IRF2: variants seen among roughly 807,000 people sequenced by gnomAD.
IRF2 encodes the protein interferon regulatory factor 2.
Under a neutral mutation model 40.6 loss-of-function variants are expected in IRF2, and 15 were observed. The observed-to-expected ratio is 0.37, with a 90% confidence interval of 0.25 to 0.57. IRF2 has a LOEUF of 0.57. Ranked by LOEUF, IRF2 falls within the 20% of genes least tolerant of loss-of-function variation. The probability of loss-of-function intolerance (pLI) is 0.77; values close to 1 mark genes in which losing one functional copy is unlikely to be tolerated. For missense variants in IRF2, 317 were observed against 455.7 expected (o/e 0.70, Z 2.77); for synonymous variants, 151 against 165.5 (o/e 0.91, Z 0.67).
chr4:184,393,733 C>T (rs926197507), intron 7 of IRF2, among the ~76,000 whole-genome samples: 2 of 151,404 alleles, frequency 1.3e-5, no homozygotes, highest in Non-Finnish European at 1.5e-5. Context: ...CAGGAAGATG[C>T]GCCCTATTAG....
At chr4:184,396,385 A>G (rs1005635655) in intron 7 of IRF2, among the ~76,000 whole-genome samples, 1 of 150,770 alleles carries the variant, frequency 6.6e-6, no homozygotes, top group Non-Finnish European at 1.5e-5. Flanking sequence ...TCCCTCAGAC[A>G]CGCTGCTCTA....
At chr4:184,469,192 C>T (rs984482768) in intron 1 of IRF2, among the ~76,000 whole-genome samples, 13 of 152,216 alleles carry the variant, frequency 8.5e-5, no homozygotes, top group East Asian at 5.8e-4. Context: ...TGGAGGGTCC[C>T]GGCTAGTTTC....
At chr4:184,443,579 G>A (rs1738392734) in intron 1 of IRF2, among the ~76,000 whole-genome samples, 1 of 151,610 alleles carries the variant, frequency 6.6e-6, no homozygotes. Flanking sequence ...ATTCCATAGT[G>A]TATATATACC....
In IRF2 at chr4:184,408,116, G is replaced by T. The variant is rs1199743399; in HGVS notation, c.529+42C>A. The T allele has an allele frequency of 3.4e-6, 4 of 1,189,270 alleles. No homozygotes were observed. The African/African-American group carries it at 4.5e-5, about 14-fold the overall frequency. 73.7% of individuals were successfully genotyped at this position (1,189,270 alleles called of 1,614,324 possible). On this transcript the variant is annotated intron_variant, in intron 6 of 8. Transcript: ENST00000393593. The surrounding 1 kb of genome is among the most constrained non-coding windows in gnomAD (Gnocchi z 4.9). ...TTTTACAAATTTTAGGCCCCAGGGG[G>T]CTGCTGGTATGTATAAAAAATGAGA...
intron 1 of IRF2, chr4:184,431,930 C>T (rs1737897048): frequency 6.6e-6 from 1 of 151,508 alleles, no homozygotes; most frequent in African/African-American, 2.4e-5. Flanking sequence ...GGTTCCTATT[C>T]AGGTGACCCC....
chr4:184,436,551 G>A (rs1163788866), intron 1 of IRF2, among the ~76,000 whole-genome samples: 1 of 152,170 alleles, frequency 6.6e-6, no homozygotes, highest in Admixed American at 6.5e-5. Flanking sequence ...TAGTTCATAA[G>A]GAATACATAA....
intron 1 of IRF2, among the ~76,000 whole-genome samples, chr4:184,469,585 G>C (rs1223647054): frequency 6.6e-6 from 1 of 152,212 alleles, no homozygotes; most frequent in East Asian, 1.9e-4. Flanking sequence ...TGAGGCAGGA[G>C]GATCACTTGT....
intron 8 of IRF2, 26 bp from the exon 9 acceptor site, chr4:184,389,092 T>C: frequency 6.2e-7 from 1 of 1,606,384 alleles, no homozygotes; most frequent in East Asian, 2.2e-5. Context: ...TTAAGATATG[T>C]ATTTCCTTCT....
At chr4:184,469,360 C>T (rs1312876127) in intron 1 of IRF2, among the ~76,000 whole-genome samples, 1 of 152,206 alleles carries the variant, frequency 6.6e-6, no homozygotes, top group Non-Finnish European at 1.5e-5. Flanking sequence ...GACTGGAAGT[C>T]ATATGTGTTT....
chr4:184,456,509 G>C (rs966549323), intron 1 of IRF2, among the ~76,000 whole-genome samples: 1 of 152,260 alleles, frequency 6.6e-6, no homozygotes, highest in Non-Finnish European at 1.5e-5. Flanking sequence ...TTTCCCTGAA[G>C]CTGCGAGTTC....
chr4:184,403,409 T>C (rs1364431748), intron 6 of IRF2, among the ~76,000 whole-genome samples: 2 of 152,182 alleles, frequency 1.3e-5, no homozygotes, highest in African/African-American at 4.8e-5. Flanking sequence ...GAAGTGGCAC[T>C]CCTCTGGGTA....
chr4:184,418,456 ATG>A (rs1554014038), intron 4 of IRF2, 74 bp downstream of exon 4: 89 of 1,334,250 alleles, frequency 6.7e-5, no homozygotes, highest in Non-Finnish European at 1.2e-5. Flanking sequence ...CTGACTGCAG[ATG>A]TAGAAATGAA....
chr4:184,419,505 C>T lies in IRF2; in HGVS notation c.151G>A (p.Asp51Asn). The T allele has an allele frequency of 6.3e-7, 1 of 1,589,734 alleles. No individual in the cohort carries two copies. The highest frequency in any genetic ancestry group is 8.6e-7 in the Non-Finnish European group (1 of 1,167,596). ...GCCCAGTTTCTAAAGAGTGGTGCAT[C>T]TTTTTCCACATCCCACCCATGTCTA... ...AARHGWDVEKDAPLFRNWAIH... is the reference protein window; with the variant it reads ...AARHGWDVEKNAPLFRNWAIH... Residue 51 changes from aspartate (D) to asparagine (N), a missense_variant, in exon 3 of 9, where the codon GAT (aspartate) becomes AAT (asparagine). Transcript: ENST00000393593.
intron 1 of IRF2, among the ~76,000 whole-genome samples, chr4:184,473,044 G>A (rs965206325): frequency 2.6e-4 from 40 of 152,216 alleles, no homozygotes; most frequent in African/African-American, 9.4e-4. Flanking sequence ...GGCGGACGCC[G>A]GCCCCCAGGC....
chr4:184,406,232 C>CTT (rs11309106), intron 6 of IRF2, among the ~76,000 whole-genome samples: 11 of 134,420 alleles, frequency 8.2e-5, no homozygotes, highest in Admixed American at 1.5e-4. Flanking sequence ...TACTTTTTAT[C>CTT]TTTTTTTTTT....
chr4:184,409,232 C>T (rs1035039471), intron 5 of IRF2, among the ~76,000 whole-genome samples: 3 of 152,166 alleles, frequency 2.0e-5, no homozygotes, highest in Admixed American at 6.5e-5. Context: ...GTAGACGTGA[C>T]TGTGCTTGGA....
chr4:184,436,516 A>G (rs1738083939), intron 1 of IRF2, among the ~76,000 whole-genome samples: 1 of 152,264 alleles, frequency 6.6e-6, no homozygotes, highest in African/African-American at 2.4e-5. Context: ...AAGGTAGTGT[A>G]TTATTAATTG....
At chr4:184,401,783 A>G (rs1736675668) in intron 6 of IRF2, among the ~76,000 whole-genome samples, 1 of 152,240 alleles carries the variant, frequency 6.6e-6, no homozygotes, top group African/African-American at 2.4e-5. Flanking sequence ...CTTGCATACT[A>G]AGGCAGTGAA....
At chr4:184,466,078 G>A (rs1234883162) in intron 1 of IRF2, among the ~76,000 whole-genome samples, 3 of 85,188 alleles carry the variant, frequency 3.5e-5, no homozygotes, top group African/African-American at 1.7e-4. Context: ...TTTTTTTTTT[G>A]AGATGAAGTC....
Sources: gnomAD v4.1 joint callset for allele counts (sites outside exome capture counted in the v4.1 genomes callset) on GRCh38, gnomAD v4.1.1 for gene constraint, Gnocchi (gnomAD v3.1) non-coding constraint, MANE v1.5 for transcripts, NCBI Gene and HGNC (gene_info 2026-07-23, HGNC 2026-07-21) for gene names.